The following XRCC6 variants were observed in gnomAD, a reference collection of about 807,000 sequenced individuals.
XRCC6 encodes the protein DNA repair protein Ku70.
A neutral mutation model predicts 65.7 loss-of-function variants in XRCC6; 5 were observed. The ratio of observed to expected loss-of-function variants is 0.08; its 90% confidence interval spans 0.04 to 0.16. The LOEUF (loss-of-function observed/expected upper bound fraction) is 0.16. XRCC6 is among the 10% of genes least tolerant of loss of function. The pLI is 1.00. For missense variants in XRCC6, 447 were observed against 738.1 expected, an observed-to-expected ratio of 0.61 and a Z score of 4.57; for synonymous variants, 270 against 270.6, an observed-to-expected ratio of 1.00 and a Z score of 0.02.
chr22:41,658,153 A>G (rs1381731681), intron 10 of XRCC6, 99 bp from the exon 11 acceptor site: 17 of 1,217,426 alleles, frequency 1.4e-5, no homozygotes, highest in Non-Finnish European at 2.0e-5. Flanking sequence ...TGTTTTTCTC[A>G]GCTCACCCCG....
chr22:41,647,701 C>T (rs927726854), intron 7 of XRCC6, among the ~76,000 whole-genome samples: 6 of 151,986 alleles, frequency 3.9e-5, no homozygotes, highest in African/African-American at 1.4e-4. Flanking sequence ...GGATTACAGA[C>T]ATTGGCCACT....
At chr22:41,637,507 T>A in intron 5 of XRCC6, 101 bp from the exon 6 acceptor site, 1 of 1,111,562 alleles carries the variant, frequency 9.0e-7, no homozygotes. Flanking sequence ...AGTCTAGTTT[T>A]CAGGGAGCTT....
At chr22:41,638,701 C>T (rs564041939) in intron 6 of XRCC6, among the ~76,000 whole-genome samples, 10 of 148,716 alleles carry the variant, frequency 6.7e-5, no homozygotes, top group Non-Finnish European at 1.2e-4. Context: ...TCGCTTGAAC[C>T]CAGGAGTCAG....
intron 6 of XRCC6, among the ~76,000 whole-genome samples, chr22:41,641,175 A>G (rs921404883): frequency 2.6e-4 from 40 of 152,208 alleles, no homozygotes; most frequent in African/African-American, 8.9e-4. Flanking sequence ...GTAATTATTT[A>G]TAAATGTTAG....
chr22:41,659,132 G>A (rs981691838), intron 11 of XRCC6, among the ~76,000 whole-genome samples: 3 of 151,966 alleles, frequency 2.0e-5, no homozygotes, highest in African/African-American at 4.8e-5. Flanking sequence ...ACGGGATTTC[G>A]CCATGATGGC....
chr22:41,650,852 C>A lies in XRCC6; in HGVS notation c.1090C>A (p.Pro364Thr). ...GCTGAAGAAACACCATTACCTGAGG[C>A]CCTCCCTGTTCGTGTACCCAGAGGA... ...VLLKKHHYLR[P>T]SLFVYPEESL... The change falls in exon 8 of 13, where the codon CCC becomes ACC. Residue 364 changes from proline (P) to threonine (T), a missense_variant. Pro to Thr is a conservative substitution (Grantham distance 38, BLOSUM62 -1). This residue lies in a region of XRCC6 where 201 missense variants were observed against 374.1 expected (regional missense o/e 0.54). Transcript: ENST00000360079. 1 of 1,614,094 alleles carries A rather than the reference C, an allele frequency of 6.2e-7. No individual in the cohort carries two copies. The highest frequency in any genetic ancestry group is 8.5e-7 in the Non-Finnish European group (1 of 1,180,006).
chr22:41,647,185 A>G, intron 7 of XRCC6, 103 bp downstream of exon 7: 1 of 1,234,062 alleles, frequency 8.1e-7, no homozygotes, highest in Non-Finnish European at 1.1e-6. Flanking sequence ...TACAGCCTTG[A>G]CCTCCTGGAC....
At chr22:41,646,081 A>G (rs1241317701) in intron 6 of XRCC6, among the ~76,000 whole-genome samples, 1 of 151,990 alleles carries the variant, frequency 6.6e-6, no homozygotes, top group Non-Finnish European at 1.5e-5. Context: ...GTGCGGGTGA[A>G]TCACGAGGTC....
intron 7 of XRCC6, chr22:41,648,039 CCCCTCCCCTCCCCT>C (rs2067953777): frequency 1.1e-5 from 1 of 94,918 alleles, no homozygotes; most frequent in African/African-American, 3.7e-5. Context: ...CCCCTCCCCT[CCCCTCCCCTCCCCT>C]CCCCTCCTCT....
At chr22:41,623,342 G>C (rs1050183140) in intron 2 of XRCC6, among the ~76,000 whole-genome samples, 1 of 151,830 alleles carries the variant, frequency 6.6e-6, no homozygotes, top group African/African-American at 2.4e-5. Context: ...GCCTCCCAAA[G>C]TTCTAGGTTT....
chr22:41,639,485 C>T (rs2067850878), intron 6 of XRCC6, among the ~76,000 whole-genome samples: 1 of 150,890 alleles, frequency 6.6e-6, no homozygotes, highest in South Asian at 2.1e-4. Context: ...AGGCGTGTGC[C>T]ACCATGCTCT....
chr22:41,626,983 C>CT (rs2067684006), intron 2 of XRCC6, among the ~76,000 whole-genome samples: 1 of 152,226 alleles, frequency 6.6e-6, no homozygotes, highest in Admixed American at 6.5e-5. Flanking sequence ...ACCATGTTGG[C>CT]TAGGCTGGTC....
In XRCC6 at chr22:41,639,329, C is replaced by CTT. The variant is rs386395480; in HGVS notation, c.773+1562_773+1563dup. Among the ~76,000 whole-genome samples the CTT allele has an allele frequency of 3.8e-3, 247 of 64,552 alleles. 7 individuals are homozygous for CTT. The highest frequency in any genetic ancestry group is 0.021 in the Middle Eastern group (1 of 48). 42.3% of individuals were successfully genotyped at this position (64,552 alleles called of 152,430 possible). ...GGAACCAGATTGCTAGATTCTTTTTCTTTTTTTTTTTTTTTTTTTTTTTTT... is the reference window on the plus strand; with the variant it reads ...GGAACCAGATTGCTAGATTCTTTTTCTTTTTTTTTTTTTTTTTTTTTTTTTTT... On this transcript the variant is annotated intron_variant, in intron 6 of 12. Coordinates refer to ENST00000360079, the MANE Select transcript of XRCC6 (RefSeq NM_001469.5).
intron 2 of XRCC6, among the ~76,000 whole-genome samples, chr22:41,626,630 TG>T (rs1227128144): frequency 5.4e-5 from 8 of 148,112 alleles, no homozygotes; most frequent in Admixed American, 1.3e-4. Flanking sequence ...AATGTTTGTT[TG>T]TTTTTTTTTT....
chr22:41,626,156 T>A (rs2067668450), intron 2 of XRCC6, among the ~76,000 whole-genome samples: 1 of 151,356 alleles, frequency 6.6e-6, no homozygotes, highest in African/African-American at 2.4e-5. Flanking sequence ...ATTTTTATTT[T>A]TTTTGAGACG....
At chr22:41,649,716 G>C (rs992234053) in intron 7 of XRCC6, among the ~76,000 whole-genome samples, 1 of 151,978 alleles carries the variant, frequency 6.6e-6, no homozygotes, top group African/African-American at 2.4e-5. Flanking sequence ...TTAGCCAGGT[G>C]TGGTGGCGGG....
intron 10 of XRCC6, among the ~76,000 whole-genome samples, chr22:41,657,927 A>ATGCTT (rs1291158886): frequency 4.6e-5 from 7 of 151,814 alleles, no homozygotes; most frequent in African/African-American, 1.7e-4. Context: ...GGACTCAAGC[A>ATGCTT]GTCTTCCTGC....
At chr22:41,623,688 A>G (rs911624550) in intron 2 of XRCC6, among the ~76,000 whole-genome samples, 7 of 150,178 alleles carry the variant, frequency 4.7e-5, no homozygotes, top group African/African-American at 1.2e-4. Context: ...CGCCTGGCCT[A>G]TCTGATTTCT....
chr22:41,652,795 T>TC (rs1477142226), intron 8 of XRCC6, among the ~76,000 whole-genome samples: 1 of 152,154 alleles, frequency 6.6e-6, no homozygotes, highest in African/African-American at 2.4e-5. Flanking sequence ...TGCCTCAGCC[T>TC]CCCAAGTAGC....
Sources: gnomAD v4.1 joint callset for allele counts (sites outside exome capture counted in the v4.1 genomes callset) on GRCh38, gnomAD v4.1.1 for gene constraint, gnomAD v4.1.1 regional missense constraint, MANE v1.5 for transcripts, NCBI Gene and HGNC (gene_info 2026-07-23, HGNC 2026-07-21) for gene names.